The following DUSP22 variants were observed in gnomAD, a reference collection of about 807,000 sequenced individuals.
The protein encoded by DUSP22 is dual specificity phosphatase 22, also known as dual specificity protein phosphatase 22.
A neutral mutation model predicts 24.5 loss-of-function variants in DUSP22; 24 were observed. The ratio of observed to expected loss-of-function variants is 0.98; its 90% CI spans 0.71 to 1.38. The LOEUF is 1.38. DUSP22 is among the 40% of genes most tolerant of loss of function. The probability of loss-of-function intolerance (pLI) is 0.00; values close to 1 mark genes in which losing one functional copy is unlikely to be tolerated. For synonymous variants in DUSP22, 160 were observed against 106.4 expected, an observed-to-expected ratio of 1.50 and a Z score of -3.10; for missense variants, 330 against 269.2, an observed-to-expected ratio of 1.23 and a Z score of -1.58.
At chr6:309,193 C>G (rs1268224470) in intron 2 of DUSP22, among the ~76,000 whole-genome samples, 1 of 152,298 alleles carries the variant, frequency 6.6e-6, no homozygotes, top group African/African-American at 2.4e-5. Flanking sequence ...GTAGATGGCT[C>G]TCATCCATAG....
chr6:310,911 A>T (rs1478986118), intron 2 of DUSP22, among the ~76,000 whole-genome samples: 8 of 152,302 alleles, frequency 5.3e-5, no homozygotes, highest in African/African-American at 1.7e-4. Context: ...CAATTTCTAG[A>T]TTAACACTTT....
In DUSP22 at chr6:312,289, G is replaced by C. The variant is rs1400110946; in HGVS notation, c.138+327G>C. 2.0e-5 allele frequency among the ~76,000 whole-genome samples: 3 copies of C among 152,412 alleles called. No individual in the cohort carries two copies. The East Asian group carries it at 5.8e-4, about 29-fold the overall frequency. The stretch of plus-strand genomic sequence containing the variant: ...TTTCATTCCTTTCAGAATTATCTCT[G>C]GTTTTAAAATCCAAAAAACTTCAGC... On this transcript the variant is annotated intron_variant, in intron 3 of 6. Transcript: ENST00000419235.
At chr6:300,718 C>T (rs1395439382) in intron 1 of DUSP22, among the ~76,000 whole-genome samples, 1 of 152,306 alleles carries the variant, frequency 6.6e-6, no homozygotes, top group Admixed American at 6.5e-5. Flanking sequence ...CCTGCTGTGC[C>T]TGTGACTTGC....
intron 3 of DUSP22, among the ~76,000 whole-genome samples, chr6:331,929 A>T (rs546526470): frequency 6.6e-6 from 1 of 152,308 alleles, no homozygotes; most frequent in Non-Finnish European, 1.5e-5. Flanking sequence ...AGTGGCCAGG[A>T]GGGACGCTGG....
rs1454172984 is a variant in DUSP22 at position 349,152 on chromosome 6, G to C, written c.*201G>C. On this transcript the variant is annotated 3_prime_UTR_variant, in exon 7 of 7. Coordinates refer to ENST00000419235, the MANE Select transcript of DUSP22 (RefSeq NM_001286555.3). ...GCCCACCCCTACCCTGGCTGCACCT[G>C]AGCTTGCTGCCCCTGGGGATGTTGC... is the stretch of plus-strand genomic sequence containing the variant. 11 of 1,434,878 alleles carry C rather than the reference G, an allele frequency of 7.7e-6. No individual in the cohort carries two copies. The African/African-American group carries it at 8.6e-5, about 11-fold the overall frequency. 88.9% of individuals were successfully genotyped at this position (1,434,878 alleles called of 1,614,324 possible).
In DUSP22 at chr6:315,328, G is replaced by T. The variant is rs912955291; in HGVS notation, c.138+3366G>T. On this transcript the variant is annotated intron_variant, in intron 3 of 6. Coordinates refer to ENST00000419235, the MANE Select transcript of DUSP22 (RefSeq NM_001286555.3). ...GGAGACAGAAATCCCAGCTAAACAG[G>T]GTCTAGAGATCAGCAAGCCTAACTC... 3.5e-3 allele frequency among the ~76,000 whole-genome samples: 533 copies of T among 152,268 alleles called. No individual in the cohort carries two copies. In the East Asian group the frequency reaches 0.1, roughly 28 times the overall value.
intron 1 of DUSP22, 83 bp downstream of exon 1, chr6:292,643 G>C (rs1243404335): frequency 6.6e-7 from 1 of 1,525,576 alleles, no homozygotes; most frequent in Non-Finnish European, 8.8e-7. Flanking sequence ...CCGACGACTC[G>C]AGCCCGGGGT....
chr6:339,656 T>G (rs1005921931), intron 4 of DUSP22, among the ~76,000 whole-genome samples: 2 of 152,424 alleles, frequency 1.3e-5, no homozygotes, highest in East Asian at 1.9e-4. Context: ...GGTTTTAGAA[T>G]CTAGCAGGTC....
intron 1 of DUSP22, 132 bp from the exon 2 acceptor site, chr6:304,496 T>C: frequency 7.5e-7 from 1 of 1,341,500 alleles, no homozygotes; most frequent in Non-Finnish European, 1.1e-6. Flanking sequence ...CACCCGCGTG[T>C]CTGTCAGGGA....
Position 351,161 on chromosome 6 carries a change from T to G in DUSP22, c.*2210T>G. On this transcript the variant is annotated 3_prime_UTR_variant, in exon 7 of 7. Coordinates refer to ENST00000419235, the MANE Select transcript of DUSP22 (RefSeq NM_001286555.3). ...CTTGTGGGTGGCTTGGCGCTCGTGA[T>G]TGCTTCCTGTGAACGCCTCCCAAGG... 4.3e-6 allele frequency: 2 copies of G among 469,606 alleles called. No homozygotes were observed. The highest frequency in any genetic ancestry group is 3.8e-6 in the Non-Finnish European group (1 of 262,874). The allele number at this position is 469,606 out of a possible 1,614,324, so 29.1% of individuals were successfully genotyped here.
chr6:334,934 C>T (rs531144029), intron 3 of DUSP22, among the ~76,000 whole-genome samples, 180 bp from the exon 4 acceptor site: 486 of 152,264 alleles, frequency 3.2e-3, no homozygotes, highest in African/African-American at 0.011. Flanking sequence ...CGCATGGTCA[C>T]GGAAAATAAC....
At chr6:347,715 A>G (rs1379343492) in intron 5 of DUSP22, among the ~76,000 whole-genome samples, 1 of 152,422 alleles carries the variant, frequency 6.6e-6, no homozygotes, top group South Asian at 2.1e-4. Context: ...ATTCTAAACA[A>G]ATGTAGGTTA....
chr6:338,471 C>T (rs376207226), intron 4 of DUSP22, among the ~76,000 whole-genome samples: 85 of 152,386 alleles, frequency 5.6e-4, no homozygotes, highest in African/African-American at 2.0e-3. Flanking sequence ...TGTTTATTAC[C>T]AAGTATCAGG....
At chr6:322,809 C>G in intron 3 of DUSP22, among the ~76,000 whole-genome samples, 1 of 121,256 alleles carries the variant, frequency 8.2e-6, no homozygotes, top group Non-Finnish European at 1.6e-5. Context: ...CAGGGAGATT[C>G]CGTGGGTTAT....
intron 3 of DUSP22, among the ~76,000 whole-genome samples, chr6:333,567 C>T (rs1157235621): frequency 6.6e-6 from 1 of 152,304 alleles, no homozygotes; most frequent in Non-Finnish European, 1.5e-5. Context: ...TGAACAGATC[C>T]TGCTCTGACT....
At chr6:296,461 C>T (rs561291353) in intron 1 of DUSP22, among the ~76,000 whole-genome samples, 8 of 152,424 alleles carry the variant, frequency 5.2e-5, no homozygotes, top group East Asian at 3.8e-4. Flanking sequence ...TGCCTCACCA[C>T]GCTGCTAAGA....
intron 3 of DUSP22, among the ~76,000 whole-genome samples, chr6:324,681 C>G (rs1312900269): frequency 6.6e-6 from 1 of 152,310 alleles, no homozygotes; most frequent in Non-Finnish European, 1.5e-5. Flanking sequence ...GTGTTTGCCT[C>G]TTTCTCAAAA....
intron 3 of DUSP22, among the ~76,000 whole-genome samples, chr6:321,380 G>C (rs1490162482): frequency 6.6e-6 from 1 of 152,306 alleles, no homozygotes; most frequent in Admixed American, 6.5e-5. Flanking sequence ...ACAAAGCCAG[G>C]TGACACATTC....
chr6:334,625 C>T (rs906326687), intron 3 of DUSP22, among the ~76,000 whole-genome samples: 1 of 152,298 alleles, frequency 6.6e-6, no homozygotes, highest in Non-Finnish European at 1.5e-5. Flanking sequence ...CGTATTGGTG[C>T]GTCAGTGAAA....
Sources: allele counts gnomAD v4.1 joint callset (sites outside exome capture counted in the v4.1 genomes callset), GRCh38; gene constraint gnomAD v4.1.1; transcripts MANE v1.5; gene names NCBI Gene and HGNC (gene_info 2026-07-23, HGNC 2026-07-21).